USP36: variants seen among roughly 807,000 people sequenced by gnomAD.
USP36 encodes the protein ubiquitin specific peptidase 36.
In USP36, 59 loss-of-function variants were observed where a neutral mutation model predicts 111.5. That is an observed-to-expected ratio of 0.53 (90% CI 0.43 to 0.66). The LOEUF is 0.66. USP36 is among the 30% of genes least tolerant of loss of function. The pLI, the probability that USP36 is intolerant of heterozygous loss-of-function variation, is 0.00. For missense variants in USP36, 1,488 were observed against 1,468.0 expected, an observed-to-expected ratio of 1.01 and a Z score of -0.22; for synonymous variants, 628 against 581.0, an observed-to-expected ratio of 1.08 and a Z score of -1.16.
rs148226667 is a variant in USP36, at chr17:78,835,429, C to T, written c.326G>A (p.Arg109Gln). 16 of 1,614,096 alleles carry T rather than the reference C, an allele frequency of 9.9e-6. No individual in the cohort carries two copies. Among genetic ancestry groups the T allele is most frequent in the African/African-American group, 5.3e-5 (4 of 74,948 alleles). ...GACCCGCTCCCACCTCAGAGACAGT[C>T]GCTCCGTGGGGAAAAGCACTTTCTG... ...APQKVLFPTERLSLRWERVFR... is the reference protein window; with the variant it reads ...APQKVLFPTEQLSLRWERVFR... Residue 109 changes from arginine (R) to glutamine (Q), a missense_variant, in exon 4 of 21, where the codon CGA becomes CAA. This residue lies in a region of USP36 where 219 missense variants were observed against 209.5 expected (regional missense o/e 1.05). Coordinates refer to ENST00000449938, the MANE Select transcript of USP36 (RefSeq NM_001385174.1).
At position 78,835,281 on chromosome 17, in the gene USP36, G is replaced by A. The variant is rs1406929301; in HGVS notation, c.474C>T (p.Ser158=). ...NYLLSKEHAR[S]CHQGSFCMLC... Reference sequence around the variant, plus strand: ...CCACTGCTGCAAACCCACACTCACAGCTGCGAGCATGCTCCTTGGAGAGCA... The same window carrying A: ...CCACTGCTGCAAACCCACACTCACAACTGCGAGCATGCTCCTTGGAGAGCA... The change falls in exon 4 of 21, where the codon AGC becomes AGT. Residue 158 remains serine (S), a splice_region_variant and synonymous_variant. Coordinates refer to ENST00000449938, the MANE Select transcript of USP36 (RefSeq NM_001385174.1). 6.2e-6 allele frequency: 10 copies of A among 1,613,818 alleles called. No homozygotes were observed. The highest frequency in any genetic ancestry group is 4.0e-5 in the African/African-American group (3 of 74,934).
At chr17:78,831,562 G>A (rs975602622) in intron 4 of USP36, among the ~76,000 whole-genome samples, 7 of 151,986 alleles carry the variant, frequency 4.6e-5, no homozygotes, top group African/African-American at 1.4e-4. Flanking sequence ...GCAGTGAGCC[G>A]AGACTGTGGC....
intron 3 of USP36, among the ~76,000 whole-genome samples, chr17:78,790,640 G>C (rs1340952739): frequency 6.6e-6 from 1 of 152,042 alleles, no homozygotes; most frequent in Non-Finnish European, 1.5e-5. Context: ...TCTCATCTCA[G>C]CCTCCTGAAG....
chr17:78,802,128 C>T (rs1236926372), intron 17 of USP36, among the ~76,000 whole-genome samples, 196 bp downstream of exon 17: 1 of 149,790 alleles, frequency 6.7e-6, no homozygotes. Context: ...CCACGCGGTC[C>T]CCCAACCCCT....
Position 78,803,391 on chromosome 17 carries a change from C to T in USP36, c.2804G>A (p.Arg935Gln), listed in dbSNP as rs372509099. Residue 935 changes from arginine to glutamine, a missense_variant, in exon 16 of 21, where the codon CGG becomes CAG. By Grantham distance (43) the Arg-to-Gln change is conservative (BLOSUM62 1). Around this residue, in one of 3 missense-constraint regions of USP36, gnomAD observed 1,073 missense variants for 994.1 expected, o/e 1.08. Coordinates refer to ENST00000449938, the MANE Select transcript of USP36 (RefSeq NM_001385174.1). This position sits in a 1 kb window ranked among gnomAD's most constrained non-coding sequence, Gnocchi z 4.6. ...EEGGLHQDPL[R>Q]HSCSPMGDGD... ...ACTTTGCTCCTGCCCTTACCTGTGC[C>T]GAAGTGGGTCCTGGTGCAGGCCGCC... The T allele has an allele frequency of 5.0e-5, 81 of 1,612,504 alleles. No individual in the cohort carries two copies. The highest frequency in any genetic ancestry group is 1.0e-4 in the Admixed American group (6 of 59,968).
chr17:78,831,189 G>A lies in USP36; in HGVS notation c.476-2182C>T, dbSNP rs569964045. 5.7e-4 allele frequency among the ~76,000 whole-genome samples: 64 copies of A among 113,258 alleles called. 1 individual carries two copies. The South Asian group carries it at 0.019, about 33-fold the overall frequency. The allele number at this position is 113,258 out of a possible 152,430, so 74.3% of individuals were successfully genotyped here. ...TGCAGTGAGCCAAGATCACACCACT[G>A]CACTCCGGCCTGGGCGACAGAGTGA... is the stretch of plus-strand genomic sequence containing the variant. On this transcript the variant is annotated intron_variant, in intron 4 of 20. Coordinates refer to ENST00000449938, the MANE Select transcript of USP36 (RefSeq NM_001385174.1).
chr17:78,828,748 TA>T, intron 5 of USP36, 148 bp downstream of exon 5: 2 of 722,396 alleles, frequency 2.8e-6, no homozygotes, highest in Non-Finnish European at 4.5e-6. Flanking sequence ...CTCGTGTCTG[TA>T]ATCCCAACAC....
intron 10 of USP36, among the ~76,000 whole-genome samples, chr17:78,816,482 C>G (rs529881873): frequency 6.6e-6 from 1 of 152,062 alleles, no homozygotes; most frequent in Non-Finnish European, 1.5e-5. Context: ...AAAATTTAGC[C>G]AAGCATGGTG....
At chr17:78,832,726 A>C (rs1431307099) in intron 4 of USP36, among the ~76,000 whole-genome samples, 1 of 151,844 alleles carries the variant, frequency 6.6e-6, no homozygotes, top group Non-Finnish European at 1.5e-5. Flanking sequence ...GGGATAGCAG[A>C]GTCTTACTGC....
rs2093922458 is a variant in USP36, at chr17:78,807,057, C to T, written c.1987G>A (p.Val663Met). 10 of 1,614,230 alleles carry T rather than the reference C, an allele frequency of 6.2e-6. No individual in the cohort carries two copies. Among genetic ancestry groups the T allele is most frequent in the Middle Eastern group, 1.6e-4 (1 of 6,062 alleles). ...TPPSGADSKT[V>M]KLKSPVLSNT... ...CTCAGGACAGGGGACTTCAGCTTCA[C>T]CGTCTTAGAATCTGCTCCACTTGGC... is the stretch of plus-strand genomic sequence containing the variant. Residue 663 changes from valine (V) to methionine (M), a missense_variant, in exon 14 of 21, where the codon GTG becomes ATG. Coordinates refer to ENST00000449938, the MANE Select transcript of USP36 (RefSeq NM_001385174.1).
chr17:78,812,825 C>G (rs1043780679), intron 13 of USP36, 35 bp downstream of exon 13: 1 of 1,610,160 alleles, frequency 6.2e-7, no homozygotes, highest in Middle Eastern at 2.1e-4. Flanking sequence ...AGCACCAAGA[C>G]CAGCCACTTT....
intron 1 of USP36, among the ~76,000 whole-genome samples, chr17:78,839,159 T>C (rs2068999613): frequency 6.6e-6 from 1 of 152,178 alleles, no homozygotes; most frequent in African/African-American, 2.4e-5. Context: ...AAGTGTGGAT[T>C]TTCTCTTTCA....
intron 13 of USP36, among the ~76,000 whole-genome samples, chr17:78,811,040 A>C (rs1384925022): frequency 1.3e-5 from 2 of 150,350 alleles, no homozygotes; most frequent in Non-Finnish European, 3.0e-5. Flanking sequence ...CTTGAACCCA[A>C]GAGGCGGAGG....
chr17:78,812,983 TTTCTTAGAGCC>T lies in USP36; in HGVS notation c.1273_1283del (p.Gly425LysfsTer55). 6.2e-7 allele frequency: 1 copy of T among 1,614,084 alleles called. No homozygotes were observed. The highest frequency in any genetic ancestry group is 8.5e-7 in the Non-Finnish European group (1 of 1,179,998). ...TCCTGGAGATGAGGCCCTCGGGACT[TTTCTTAGAGCC>T]TGGAATTCTGTCAAAGGAAGAAAAC... On this transcript the variant is annotated frameshift_variant, in exon 13 of 21. Transcript: ENST00000449938. LOFTEE classifies it high-confidence loss of function.
At chr17:78,829,645 G>A (rs943967050) in intron 4 of USP36, among the ~76,000 whole-genome samples, 1 of 152,186 alleles carries the variant, frequency 6.6e-6, no homozygotes, top group Non-Finnish European at 1.5e-5. Flanking sequence ...GGGTATGAAC[G>A]TGTTCAATAA....
At chr17:78,790,021 G>C (rs1159463882) in intron 3 of USP36, among the ~76,000 whole-genome samples, 1 of 152,194 alleles carries the variant, frequency 6.6e-6, no homozygotes, top group African/African-American at 2.4e-5. Context: ...TATTTACCGG[G>C]TGGCTGGTAA....
At chr17:78,813,506 A>T (rs1462069012) in intron 12 of USP36, among the ~76,000 whole-genome samples, 1 of 152,144 alleles carries the variant, frequency 6.6e-6, no homozygotes, top group Non-Finnish European at 1.5e-5. Flanking sequence ...AGTACCTCTA[A>T]TTTGGGGCAA....
chr17:78,804,425 A>G (rs1298615557), intron 15 of USP36, among the ~76,000 whole-genome samples: 1 of 148,230 alleles, frequency 6.7e-6, no homozygotes, highest in Non-Finnish European at 1.5e-5. Context: ...GCGCCACTGC[A>G]CTCCAGCCTG....
rs373833822 is a variant in USP36 at position 78,790,064 on chromosome 17, A to G, written c.*21-2406T>C. On this transcript the variant is annotated intron_variant, in intron 3 of 3. Coordinates refer to the USP36 transcript ENST00000588130. ...GCCTTGCCAAGAGAACTGTAGCCAC[A>G]TAAGACAGAAAAATGGCAGAATAAT... Among the ~76,000 whole-genome samples, 31 of 152,308 alleles carry G rather than the reference A, an allele frequency of 2.0e-4. 4 individuals carry two copies. Among genetic ancestry groups the G allele is most frequent in the South Asian group, 6.2e-4 (3 of 4,830 alleles).
Sources: gnomAD v4.1 joint callset for allele counts (sites outside exome capture counted in the v4.1 genomes callset) on GRCh38, gnomAD v4.1.1 for gene constraint, gnomAD v4.1.1 regional missense constraint, Gnocchi (gnomAD v3.1) non-coding constraint, MANE v1.5 for transcripts, NCBI Gene and HGNC (gene_info 2026-07-23, HGNC 2026-07-21) for gene names.